The following ZFHX4 variants were observed in gnomAD, a reference collection of about 807,000 sequenced individuals.
ZFHX4 encodes the protein zinc finger homeobox 4.
A neutral mutation model predicts 267.6 loss-of-function variants in ZFHX4; 56 were observed. The observed-to-expected ratio is 0.21, with a 90% CI of 0.17 to 0.26. ZFHX4 has a LOEUF of 0.26. Among genes scored for constraint, ZFHX4 ranks in the 10% least tolerant of loss-of-function variants. The probability of loss-of-function intolerance (pLI) is 1.00; values close to 1 mark genes in which losing one functional copy is unlikely to be tolerated. For missense variants in ZFHX4, 4,332 were observed against 4,420.0 expected (o/e 0.98, Z 0.56); for synonymous variants, 1,778 against 1,665.6 (o/e 1.07, Z -1.64).
At chr8:76,694,545 C>A (rs1230096958) in intron 1 of ZFHX4, among the ~76,000 whole-genome samples, 1 of 152,054 alleles carries the variant, frequency 6.6e-6, no homozygotes, top group Non-Finnish European at 1.5e-5. Context: ...ACGGAAGGGA[C>A]CTTTAAGAGA....
chr8:76,708,264 T>G, intron 3 of ZFHX4: 1 of 590,768 alleles, frequency 1.7e-6, no homozygotes, highest in Non-Finnish European at 2.9e-6. Context: ...CACTTACACC[T>G]GTCTCAGTGG....
rs763149017 is a variant in ZFHX4 at position 76,849,663 on chromosome 8, C to T, written c.3797C>T (p.Thr1266Met). ...AAAATGCATCTCCAACTGCATCTGA[C>T]GCATTTGCACAGTGTGTCTCCAGAC... ...SNKMHLQLHL[T>M]HLHSVSPDCV... The change falls in exon 8 of 11, where the codon ACG becomes ATG. Residue 1266 changes from threonine (T) to methionine (M), a missense_variant. Thr to Met is a moderately conservative substitution (Grantham distance 81, BLOSUM62 -1). Coordinates refer to ENST00000651372, the MANE Select transcript of ZFHX4 (RefSeq NM_024721.5). The T allele has an allele frequency of 1.9e-5, 30 of 1,613,764 alleles. No individual in the cohort carries two copies. Among genetic ancestry groups the T allele is most frequent in the Middle Eastern group, 1.6e-4 (1 of 6,076 alleles).
intron 1 of ZFHX4, among the ~76,000 whole-genome samples, chr8:76,702,650 A>G (rs997018043): frequency 6.6e-6 from 1 of 152,180 alleles, no homozygotes; most frequent in Non-Finnish European, 1.5e-5. Context: ...ATGATATGCA[A>G]TGTAATATAG....
chr8:76,741,356 T>C (rs1809310637), intron 3 of ZFHX4, among the ~76,000 whole-genome samples: 1 of 152,166 alleles, frequency 6.6e-6, no homozygotes, highest in Non-Finnish European at 1.5e-5. Context: ...ACTACAGCTC[T>C]GTTAGGGGAG....
At chr8:76,789,069 T>C (rs1194862258) in intron 4 of ZFHX4, among the ~76,000 whole-genome samples, 1 of 152,242 alleles carries the variant, frequency 6.6e-6, no homozygotes, top group East Asian at 1.9e-4. Context: ...TGGCTTGATA[T>C]TAAGTGACTT....
intron 5 of ZFHX4, among the ~76,000 whole-genome samples, chr8:76,837,123 T>G (rs896955565): frequency 4.6e-5 from 7 of 152,150 alleles, no homozygotes; most frequent in Admixed American, 4.6e-4. Context: ...GCCATGATTC[T>G]GGATGAGATC....
chr8:76,831,535 G>A (rs145320444), intron 4 of ZFHX4, among the ~76,000 whole-genome samples: 119 of 152,250 alleles, frequency 7.8e-4, no homozygotes, highest in African/African-American at 2.8e-3. Context: ...TTAGGATATA[G>A]GATGTAGGTT....
chr8:76,795,075 TG>T (rs1342439443), intron 4 of ZFHX4, among the ~76,000 whole-genome samples: 1 of 152,086 alleles, frequency 6.6e-6, no homozygotes, highest in African/African-American at 2.4e-5. Flanking sequence ...CCAGGGAAAA[TG>T]GAAGACAAGA....
At chr8:76,708,107 G>A (rs1333593218) in intron 3 of ZFHX4, 59 bp downstream of exon 3, 6 of 1,598,966 alleles carry the variant, frequency 3.8e-6, no homozygotes, top group Admixed American at 1.7e-5. Context: ...AACTCTTTCA[G>A]AGCTTGGAGC....
chr8:76,845,246 C>T (rs1169470816), intron 6 of ZFHX4, among the ~76,000 whole-genome samples: 1 of 152,050 alleles, frequency 6.6e-6, no homozygotes, highest in East Asian at 1.9e-4. Flanking sequence ...GAAAAGCCTT[C>T]TAATGCTTCA....
Position 76,855,865 on chromosome 8 carries a change from G to A in ZFHX4, c.8944G>A (p.Ala2982Thr), listed in dbSNP as rs369291286. 9.9e-6 allele frequency: 16 copies of A among 1,613,692 alleles called. 1 individual carries two copies. In the African/African-American group the frequency reaches 2.1e-4, roughly 22 times the overall value. Residue 2982 changes from alanine to threonine, a missense_variant, in exon 10 of 11, where the codon GCA becomes ACA. Physicochemically the swap from Ala to Thr is moderately conservative, Grantham distance 58 (BLOSUM62 0). This residue lies in a region of ZFHX4 where 1,648 missense variants were observed against 1,625.0 expected (regional missense o/e 1.01). Coordinates refer to ENST00000651372, the MANE Select transcript of ZFHX4 (RefSeq NM_024721.5). ...CCAGGTGTGGTTCCAAAATGCAAGGGCAAAGGAAAAGAAATTTAAAATTAA... is the reference window on the plus strand; with the variant it reads ...CCAGGTGTGGTTCCAAAATGCAAGGACAAAGGAAAAGAAATTTAAAATTAA... ...VVQVWFQNAR[A>T]KEKKFKINIG...
At chr8:76,829,238 T>G (rs192839445) in intron 4 of ZFHX4, among the ~76,000 whole-genome samples, 2 of 134,082 alleles carry the variant, frequency 1.5e-5, no homozygotes, top group African/African-American at 5.6e-5. Context: ...GAGATTTGTA[T>G]GGATTATAGT....
intron 10 of ZFHX4, among the ~76,000 whole-genome samples, chr8:76,860,460 T>A (rs1338398069): frequency 6.6e-6 from 1 of 152,136 alleles, no homozygotes; most frequent in Non-Finnish European, 1.5e-5. Flanking sequence ...TTGCTCCATC[T>A]TGCTTTCTAA....
In ZFHX4 at chr8:76,855,475, G is replaced by A; in HGVS notation, c.8554G>A (p.Ala2852Thr). Residue 2852 changes from alanine to threonine, a missense_variant, in exon 10 of 11, where the codon GCA (alanine) becomes ACA (threonine). This residue lies in a region of ZFHX4 where 1,648 missense variants were observed against 1,625.0 expected (regional missense o/e 1.01). Transcript: ENST00000651372. ...AACTCTGGATACTCTGCCAAAACCT[G>A]CAACCACACCTACCACGGAGGTCTG... Reference protein sequence around the residue: ...PKTLDTLPKPATTPTTEVCDD... With the variant: ...PKTLDTLPKPTTTPTTEVCDD... 1 of 1,613,606 alleles carries A rather than the reference G, an allele frequency of 6.2e-7. No individual in the cohort carries two copies. The highest frequency in any genetic ancestry group is 1.6e-4 in the Middle Eastern group (1 of 6,062).
At chr8:76,766,087 C>T (rs186035195) in intron 3 of ZFHX4, among the ~76,000 whole-genome samples, 4 of 151,758 alleles carry the variant, frequency 2.6e-5, no homozygotes, top group African/African-American at 9.7e-5. Context: ...AAGTATTATA[C>T]ATAAATAGGG....
chr8:76,731,776 A>G (rs1809018022), intron 3 of ZFHX4, among the ~76,000 whole-genome samples: 1 of 151,714 alleles, frequency 6.6e-6, no homozygotes, highest in Admixed American at 6.6e-5. Flanking sequence ...ACCACACTGG[A>G]CTTACTAATT....
At chr8:76,728,085 C>T (rs1808903537) in intron 3 of ZFHX4, among the ~76,000 whole-genome samples, 2 of 151,978 alleles carry the variant, frequency 1.3e-5, no homozygotes, top group Non-Finnish European at 2.9e-5. Context: ...ATTTTTTTGG[C>T]CAATACCTAA....
intron 4 of ZFHX4, among the ~76,000 whole-genome samples, chr8:76,779,548 A>G (rs1440403282): frequency 1.3e-5 from 2 of 152,158 alleles, no homozygotes; most frequent in African/African-American, 2.4e-5. Context: ...TAGCAACTCT[A>G]TTGAATCCCA....
At chr8:76,833,243 C>T in intron 4 of ZFHX4, 95 bp from the exon 5 acceptor site, 1 of 958,124 alleles carries the variant, frequency 1.0e-6, no homozygotes, top group South Asian at 1.4e-5. Flanking sequence ...ACTTATCTCT[C>T]CTGACTGCCA....
Sources: allele counts gnomAD v4.1 joint callset (sites outside exome capture counted in the v4.1 genomes callset), GRCh38; gene constraint gnomAD v4.1.1; regional missense constraint gnomAD v4.1.1; transcripts MANE v1.5; gene names NCBI Gene and HGNC (gene_info 2026-07-23, HGNC 2026-07-21).